Variants in STK3 observed in about 807,000 individuals in gnomAD.
STK3 encodes serine/threonine-protein kinase 3.
A neutral mutation model predicts 58.0 loss-of-function variants in STK3; 41 were observed. That is an observed-to-expected ratio of 0.71 (90% CI 0.55 to 0.92). The LOEUF is 0.92. STK3 is among the 40% of genes least tolerant of loss of function. The pLI, the probability that STK3 is intolerant of heterozygous loss-of-function variation, is 0.00. For synonymous variants in STK3, 170 were observed against 191.0 expected (o/e 0.89, Z 0.91); for missense variants, 479 against 602.7 (o/e 0.79, Z 2.15).
At chr8:98,932,286 A>T (rs1840029461) in intron 1 of STK3, among the ~76,000 whole-genome samples, 1 of 152,234 alleles carries the variant, frequency 6.6e-6, no homozygotes, top group African/African-American at 2.4e-5. Context: ...CTGTTTTCTA[A>T]GATTTATCTA....
chr8:98,683,289 T>A (rs997969175), intron 6 of STK3, among the ~76,000 whole-genome samples: 1 of 152,134 alleles, frequency 6.6e-6, no homozygotes, highest in African/African-American at 2.4e-5. Flanking sequence ...CAAGTTGGAT[T>A]TGATTAGCAT....
At chr8:98,589,679 G>A (rs922934371) in intron 7 of STK3, among the ~76,000 whole-genome samples, 23 of 152,342 alleles carry the variant, frequency 1.5e-4, no homozygotes, top group Admixed American at 4.6e-4. Context: ...GGGCAATGGC[G>A]GGCGCCCCTC....
intron 10 of STK3, among the ~76,000 whole-genome samples, chr8:98,496,973 T>TA (rs534424164): frequency 2.6e-5 from 4 of 151,788 alleles, no homozygotes; most frequent in East Asian, 1.9e-4. Flanking sequence ...TTAACCAAAA[T>TA]AAAAAAAATT....
At chr8:98,690,905 G>A (rs747637486) in intron 6 of STK3, among the ~76,000 whole-genome samples, 1 of 152,162 alleles carries the variant, frequency 6.6e-6, no homozygotes, top group Non-Finnish European at 1.5e-5. Context: ...CATGTCCTTT[G>A]CAGGAATGTG....
intron 7 of STK3, among the ~76,000 whole-genome samples, chr8:98,592,770 T>TTTAC (rs1815437294): frequency 6.7e-6 from 1 of 149,716 alleles, no homozygotes. Flanking sequence ...TATTTATTTA[T>TTTAC]TTATTTATTT....
intron 6 of STK3, among the ~76,000 whole-genome samples, chr8:98,691,043 C>T (rs190851831): frequency 3.4e-4 from 52 of 152,194 alleles, no homozygotes; most frequent in African/African-American, 1.2e-3. Flanking sequence ...AAACAACAGA[C>T]GCTAGGAACT....
chr8:98,730,912 T>C (rs1828144976), intron 4 of STK3, among the ~76,000 whole-genome samples: 1 of 152,130 alleles, frequency 6.6e-6, no homozygotes. Context: ...CATTTAAATA[T>C]GCTTCTATTA....
At chr8:98,411,457 C>T (rs973433359) in intron 3 of STK3, among the ~76,000 whole-genome samples, 5 of 152,244 alleles carry the variant, frequency 3.3e-5, no homozygotes, top group African/African-American at 1.2e-4. Flanking sequence ...CTAGCTTCTC[C>T]TTTCTTCTTC....
chr8:98,381,186 G>A (rs956961369), intron 1 of STK3, among the ~76,000 whole-genome samples: 1 of 151,918 alleles, frequency 6.6e-6, no homozygotes, highest in Non-Finnish European at 1.5e-5. Context: ...GGCCAGGCTG[G>A]TCTCAAACTC....
chr8:98,393,031 GA>G (rs1817863037), upstream of STK3, among the ~76,000 whole-genome samples: 1 of 152,136 alleles, frequency 6.6e-6, no homozygotes, highest in East Asian at 1.9e-4. Flanking sequence ...ATTTCTCTCT[GA>G]GGGGGAGTCC....
chr8:98,807,014 CGTG>C (rs1219215299), intron 1 of STK3, among the ~76,000 whole-genome samples: 2 of 151,856 alleles, frequency 1.3e-5, no homozygotes, highest in Non-Finnish European at 2.9e-5. Flanking sequence ...TTTAGCCAGG[CGTG>C]GTGGCGGGCA....
chr8:98,893,474 GAAAGAAAGAAAGAGAAAGAAAGAAAGAA>G (rs1838304117), intron 1 of STK3, among the ~76,000 whole-genome samples: 15 of 65,274 alleles, frequency 2.3e-4, no homozygotes, highest in South Asian at 1.6e-3. Context: ...AAGAAAGAAA[GAAAGAAAGAAAGAGAAAGAAAGAAAGAA>G]AGAAAGAAAG....
chr8:98,746,767 G>T (rs576223202), intron 4 of STK3, among the ~76,000 whole-genome samples: 1 of 152,244 alleles, frequency 6.6e-6, no homozygotes, highest in East Asian at 1.9e-4. Flanking sequence ...GTCAGACATG[G>T]TGGCTCACAT....
At position 98,676,614 on chromosome 8, in the gene STK3, TA is replaced by T. The variant is rs773621636; in HGVS notation, c.684+29852del. Among the ~76,000 whole-genome samples, 561 of 137,016 alleles carry T rather than the reference TA, an allele frequency of 4.1e-3. 1 individual carries two copies. The highest frequency in any genetic ancestry group is 7.6e-3 in the Admixed American group (103 of 13,620). 89.9% of individuals were successfully genotyped at this position (137,016 alleles called of 152,430 possible). ...GGGAACAAGAGTGAAACTCTATCTT[TA>T]AAAAAAAAAAAAAAGTTAAACGGTA... is the stretch of plus-strand genomic sequence containing the variant. On this transcript the variant is annotated intron_variant, in intron 6 of 10. Coordinates refer to ENST00000419617, the MANE Select transcript of STK3 (RefSeq NM_006281.4).
intron 3 of STK3, among the ~76,000 whole-genome samples, chr8:98,842,463 C>G (rs1179043046): frequency 1.3e-5 from 2 of 152,152 alleles, no homozygotes; most frequent in Non-Finnish European, 2.9e-5. Flanking sequence ...ACCGTTAGAA[C>G]TCAGGAGTCT....
At chr8:98,795,375 A>G (rs1354373851) in intron 1 of STK3, among the ~76,000 whole-genome samples, 1 of 150,706 alleles carries the variant, frequency 6.6e-6, no homozygotes, top group African/African-American at 2.4e-5. Flanking sequence ...CAAACTAGAC[A>G]TCAAAGGAAC....
intron 1 of STK3, chr8:98,905,201 A>C: frequency 2.0e-6 from 2 of 991,066 alleles, no homozygotes; most frequent in Non-Finnish European, 3.3e-6. Context: ...CTCCCATTCC[A>C]GGGGCAGTCC....
At chr8:98,759,665 AAAGTGAAG>A (rs1300477871) in intron 3 of STK3, among the ~76,000 whole-genome samples, 6 of 152,210 alleles carry the variant, frequency 3.9e-5, no homozygotes, top group African/African-American at 1.4e-4. Flanking sequence ...CAGCATCTGC[AAAGTGAAG>A]AAGTACAACA....
At chr8:98,550,947 T>C (rs1811118695) in intron 8 of STK3, among the ~76,000 whole-genome samples, 1 of 152,198 alleles carries the variant, frequency 6.6e-6, no homozygotes, top group African/African-American at 2.4e-5. Flanking sequence ...GTTCCTGCCT[T>C]CATTAAAGCT....
Sources: gnomAD v4.1 joint callset for allele counts (sites outside exome capture counted in the v4.1 genomes callset) on GRCh38, gnomAD v4.1.1 for gene constraint, MANE v1.5 for transcripts, NCBI Gene and HGNC (gene_info 2026-07-23, HGNC 2026-07-21) for gene names.